ENOX2: variants seen among roughly 807,000 people sequenced by gnomAD.
The protein encoded by ENOX2 is APK1 antigen.
A neutral mutation model predicts 45.0 loss-of-function variants in ENOX2; 36 were observed. The ratio of observed to expected loss-of-function variants is 0.80; its 90% confidence interval spans 0.61 to 1.06. ENOX2 has a LOEUF of 1.06. Among genes scored for constraint, ENOX2 ranks in the 50% least tolerant of loss-of-function variants. The pLI, the probability that ENOX2 is intolerant of heterozygous loss-of-function variation, is 0.00. For missense variants in ENOX2, 423 were observed against 462.5 expected, an observed-to-expected ratio of 0.91 and a Z score of 0.78; for synonymous variants, 174 against 152.3, an observed-to-expected ratio of 1.14 and a Z score of -1.05.
intron 2 of ENOX2, among the ~76,000 whole-genome samples, chrX:130,836,395 A>G (rs1348389879): frequency 9.0e-6 from 1 of 110,808 alleles, no homozygotes; most frequent in Non-Finnish European, 1.9e-5. Context: ...ATCACAATCA[A>G]TGTAGGCAGA....
At chrX:130,818,439 A>C (rs1003674808) in intron 2 of ENOX2, among the ~76,000 whole-genome samples, 6 of 111,965 alleles carry the variant, frequency 5.4e-5, no homozygotes, top group Non-Finnish European at 7.5e-5. Flanking sequence ...CCATATAGCC[A>C]AGACAATCCT....
At chrX:130,757,402 T>C (rs1047076694) in intron 3 of ENOX2, among the ~76,000 whole-genome samples, 1 of 112,121 alleles carries the variant, frequency 8.9e-6, no homozygotes, top group African/African-American at 3.2e-5. Context: ...AAGATCCTGA[T>C]TAGTTCCTGC....
intron 3 of ENOX2, among the ~76,000 whole-genome samples, chrX:130,725,885 A>G (rs752421012): frequency 2.7e-5 from 3 of 111,734 alleles, no homozygotes; most frequent in Admixed American, 9.5e-5. Flanking sequence ...GAACTGGAAT[A>G]ATAATTTCTG....
chrX:130,788,273 C>A (rs1434430155), intron 2 of ENOX2, among the ~76,000 whole-genome samples: 1 of 112,179 alleles, frequency 8.9e-6, no homozygotes, highest in Non-Finnish European at 1.9e-5. Flanking sequence ...GTAATCCTCA[C>A]CCAAACTACA....
Position 130,670,215 on chromosome X carries a change from G to C in ENOX2, c.461-17C>G. On this transcript the variant is annotated splice_polypyrimidine_tract_variant and intron_variant, in intron 6 of 14. Transcript: ENST00000394363. ...TGCGGTAACCTAAGTCCACAGGAGG[G>C]TGAAAGGGAGAGGAGAGAGGGAGAG... 3 of 1,100,383 alleles carry C rather than the reference G, an allele frequency of 2.7e-6. No individual in the cohort carries two copies. The highest frequency in any genetic ancestry group is 3.8e-6 in the Non-Finnish European group (3 of 796,286). 90.7% of individuals were successfully genotyped at this position (1,100,383 alleles called of 1,213,427 possible).
chrX:130,737,097 C>T (rs1486911817), intron 3 of ENOX2, among the ~76,000 whole-genome samples: 3 of 112,093 alleles, frequency 2.7e-5, no homozygotes. Context: ...TCTGAAGAAG[C>T]GAATTATTAT....
At chrX:130,779,365 T>C (rs1222568871) in intron 3 of ENOX2, among the ~76,000 whole-genome samples, 1 of 112,518 alleles carries the variant, frequency 8.9e-6, no homozygotes, top group African/African-American at 3.2e-5. Flanking sequence ...TGGTCAAATA[T>C]GGCAGTAATG....
chrX:130,835,579 G>A (rs1189094484), intron 2 of ENOX2, among the ~76,000 whole-genome samples: 4 of 110,937 alleles, frequency 3.6e-5, no homozygotes, highest in Non-Finnish European at 3.8e-5. Context: ...AATTCTACAC[G>A]AATTAGCTAG....
intron 2 of ENOX2, among the ~76,000 whole-genome samples, chrX:130,843,576 C>T (rs2078050195): frequency 2.7e-5 from 3 of 111,430 alleles, no homozygotes; most frequent in South Asian, 3.8e-4. Flanking sequence ...TCTACAGTCT[C>T]GTCCATACTC....
chrX:130,809,299 A>G (rs923175589), intron 2 of ENOX2, among the ~76,000 whole-genome samples: 3 of 112,400 alleles, frequency 2.7e-5, no homozygotes, highest in Non-Finnish European at 5.6e-5. Context: ...CACAATTTTA[A>G]CAAGTGTTAA....
At chrX:130,817,704 T>C (rs949613752) in intron 2 of ENOX2, among the ~76,000 whole-genome samples, 1 of 112,190 alleles carries the variant, frequency 8.9e-6, no homozygotes. Flanking sequence ...AGGTCTTCCA[T>C]GAAATTCAAC....
At chrX:130,891,276 C>CTAATATACTTT (rs2078978061) in intron 2 of ENOX2, among the ~76,000 whole-genome samples, 1 of 109,451 alleles carries the variant, frequency 9.1e-6, no homozygotes, top group Non-Finnish European at 1.9e-5. Flanking sequence ...CAGAAATAAC[C>CTAATATACTTT]TAATATACTT....
intron 4 of ENOX2, among the ~76,000 whole-genome samples, chrX:130,702,417 G>A (rs758240777): frequency 9.0e-6 from 1 of 111,370 alleles, no homozygotes; most frequent in East Asian, 2.8e-4. Flanking sequence ...TGAATCTGGG[G>A]AGATTAATGT....
chrX:130,900,861 G>A (rs1015562432), intron 2 of ENOX2, among the ~76,000 whole-genome samples: 4 of 112,044 alleles, frequency 3.6e-5, no homozygotes, highest in Non-Finnish European at 5.6e-5. Context: ...TAGACCCCAG[G>A]AAGAGTTCAC....
Position 130,890,113 on chromosome X carries a change from A to C in ENOX2, c.-183+11571T>G, listed in dbSNP as rs149233274. 8.7e-3 allele frequency among the ~76,000 whole-genome samples: 975 copies of C among 112,261 alleles called. 4 individuals are homozygous for C. The highest frequency in any genetic ancestry group is 0.012 in the Non-Finnish European group (627 of 53,241). ...ATTCATATTCCCCAAGTTCCTCAGA[A>C]GGGCCATTCAAAGTAAAGGGAAAGG... On this transcript the variant is annotated intron_variant, in intron 2 of 14. Transcript: ENST00000394363.
chrX:130,670,332 T>C, intron 6 of ENOX2, 134 bp from the exon 7 acceptor site: 1 of 481,426 alleles, frequency 2.1e-6, no homozygotes, highest in Non-Finnish European at 3.6e-6. Flanking sequence ...GTGTTTCAGA[T>C]GTCACTGCAG....
intron 10 of ENOX2, among the ~76,000 whole-genome samples, chrX:130,643,050 A>G (rs2148047664): frequency 9.0e-6 from 1 of 111,696 alleles, no homozygotes. Flanking sequence ...AAGAAATGGA[A>G]GGGGAGAATC....
chrX:130,675,433 A>G (rs2037121766), intron 6 of ENOX2, among the ~76,000 whole-genome samples: 1 of 112,746 alleles, frequency 8.9e-6, no homozygotes, highest in Non-Finnish European at 1.9e-5. Flanking sequence ...TTCTTGTTGG[A>G]TACAATGCAA....
intron 2 of ENOX2, among the ~76,000 whole-genome samples, chrX:130,810,292 G>T (rs1248807658): frequency 2.7e-5 from 3 of 110,692 alleles, no homozygotes; most frequent in African/African-American, 9.9e-5. Context: ...AGCTCCCACA[G>T]ACTCAATATC....
Sources: gnomAD v4.1 joint callset for allele counts (sites outside exome capture counted in the v4.1 genomes callset) on GRCh38, gnomAD v4.1.1 for gene constraint, MANE v1.5 for transcripts, NCBI Gene and HGNC (gene_info 2026-07-23, HGNC 2026-07-21) for gene names.